CDH13: variants seen among roughly 807,000 people sequenced by gnomAD.
CDH13 encodes cadherin-13.
In CDH13, 24 loss-of-function variants were observed where a neutral mutation model predicts 63.8. The ratio of observed to expected loss-of-function variants is 0.38; its 90% CI spans 0.27 to 0.53. The LOEUF is 0.53. CDH13 is among the 20% of genes least tolerant of loss of function. The pLI is 0.85. For missense variants in CDH13, 1,049 were observed against 903.1 expected, an observed-to-expected ratio of 1.16 and a Z score of -2.07; for synonymous variants, 503 against 355.3, an observed-to-expected ratio of 1.42 and a Z score of -4.67.
intron 6 of CDH13, among the ~76,000 whole-genome samples, chr16:83,478,653 A>T (rs1036655520): frequency 6.6e-6 from 1 of 152,114 alleles, no homozygotes; most frequent in African/African-American, 2.4e-5. Flanking sequence ...CCTTAGGCCT[A>T]AGCCTGCTTC....
In CDH13 at chr16:83,781,291, C is replaced by G. The variant is rs549810773; in HGVS notation, c.1915+1090C>G. On this transcript the variant is annotated intron_variant, in intron 12 of 13. Coordinates refer to ENST00000567109, the MANE Select transcript of CDH13 (RefSeq NM_001257.5). ...TCTTCCCCAAATGTAAACTAACTAC[C>G]AAGTTCACCTTGTCTTCCAATAAAG... Among the ~76,000 whole-genome samples the G allele has an allele frequency of 3.9e-5, 6 of 152,232 alleles. 1 individual carries two copies. Among genetic ancestry groups the G allele is most frequent in the African/African-American group, 1.4e-4 (6 of 41,552 alleles).
chr16:83,237,686 G>C (rs1052053982), intron 5 of CDH13, among the ~76,000 whole-genome samples: 62 of 152,266 alleles, frequency 4.1e-4, no homozygotes, highest in African/African-American at 1.4e-3. Context: ...CACCAATTTT[G>C]CCTCTCCCTT....
intron 2 of CDH13, among the ~76,000 whole-genome samples, chr16:82,867,758 T>C (rs2151183077): frequency 6.6e-6 from 1 of 152,312 alleles, no homozygotes; most frequent in East Asian, 1.9e-4. Context: ...ACACTGTCAG[T>C]GAATTTAATG....
chr16:83,186,279 C>G (rs528483480), intron 4 of CDH13, among the ~76,000 whole-genome samples: 1 of 151,962 alleles, frequency 6.6e-6, no homozygotes, highest in African/African-American at 2.4e-5. Context: ...GCTGGGACTA[C>G]GGGCACATAC....
intron 2 of CDH13, among the ~76,000 whole-genome samples, chr16:82,949,432 C>A (rs937619973): frequency 1.3e-5 from 2 of 152,196 alleles, no homozygotes; most frequent in Non-Finnish European, 2.9e-5. Flanking sequence ...TGCACAGATT[C>A]TATTCCCAAA....
chr16:83,379,482 C>T (rs1225866993), intron 6 of CDH13, among the ~76,000 whole-genome samples: 1 of 152,138 alleles, frequency 6.6e-6, no homozygotes, highest in Non-Finnish European at 1.5e-5. Context: ...AAAAGGCAAC[C>T]ATACAGTGTT....
chr16:82,877,954 CACACACATAT>C (rs747722593), intron 2 of CDH13, among the ~76,000 whole-genome samples: 4,181 of 106,316 alleles, frequency 0.039, 121 homozygotes, highest in East Asian at 0.33. Context: ...CACACACACA[CACACACATAT>C]ACACACACAC....
chr16:82,751,472 A>C (rs115385081), intron 1 of CDH13, among the ~76,000 whole-genome samples: 1 of 152,092 alleles, frequency 6.6e-6, no homozygotes, highest in South Asian at 2.1e-4. Context: ...CACAAGGCAC[A>C]CACTGACCTC....
intron 1 of CDH13, among the ~76,000 whole-genome samples, chr16:82,806,737 A>G (rs760330232): frequency 7.2e-4 from 110 of 152,152 alleles, no homozygotes; most frequent in Non-Finnish European, 9.1e-4. Context: ...ACATGTTTGT[A>G]TTTGAACTCA....
rs1003098699 is a variant in CDH13, at chr16:82,836,873, A to G, written c.46-21489A>G. On this transcript the variant is annotated intron_variant, in intron 1 of 13. Coordinates refer to ENST00000567109, the MANE Select transcript of CDH13 (RefSeq NM_001257.5). ...AGTGTGACTTTCATTTTTAGGACAG[A>G]GTTATTCAGTCGGTGAATATGCAGT... 2.6e-5 allele frequency among the ~76,000 whole-genome samples: 4 copies of G among 152,194 alleles called. No homozygotes were observed. The South Asian group carries it at 6.2e-4, about 24-fold the overall frequency.
chr16:82,898,986 G>T (rs149780314), intron 2 of CDH13, among the ~76,000 whole-genome samples: 2,134 of 152,330 alleles, frequency 0.014, 33 homozygotes, highest in Middle Eastern at 0.027. Flanking sequence ...TGCAGCTGAG[G>T]TAATTCCCAA....
At position 83,434,847 on chromosome 16, in the gene CDH13, A is replaced by ATGTGTGTGTGTG. The variant is rs1267789287; in HGVS notation, c.782-51622_782-51621insTGTGTGTGTGTG. On this transcript the variant is annotated intron_variant, in intron 6 of 13. Transcript: ENST00000567109. ...CTGCACCTATTTAAAATATATATAT[A>ATGTGTGTGTGTG]TGTGTGTGCGTGTGTGTGTGTGTGT... 3.7e-3 allele frequency among the ~76,000 whole-genome samples: 303 copies of ATGTGTGTGTGTG among 81,478 alleles called. 1 individual carries two copies. The highest frequency in any genetic ancestry group is 6.2e-3 in the African/African-American group (164 of 26,532). 53.5% of individuals were successfully genotyped at this position (81,478 alleles called of 152,430 possible).
intron 2 of CDH13, among the ~76,000 whole-genome samples, chr16:82,981,813 C>G (rs1910300240): frequency 6.6e-6 from 1 of 152,184 alleles, no homozygotes; most frequent in Non-Finnish European, 1.5e-5. Context: ...TCCCGTAAGC[C>G]CTTCAACAGC....
intron 1 of CDH13, among the ~76,000 whole-genome samples, chr16:82,787,007 C>A (rs1597578818): frequency 6.6e-6 from 1 of 152,122 alleles, no homozygotes; most frequent in Non-Finnish European, 1.5e-5. Context: ...TCTGAGGATT[C>A]ACAATTTCCA....
chr16:83,211,974 C>G (rs145086323), intron 4 of CDH13, among the ~76,000 whole-genome samples: 1 of 152,184 alleles, frequency 6.6e-6, no homozygotes, highest in African/African-American at 2.4e-5. Context: ...GAAGTTCTCG[C>G]TAACTGTGAA....
intron 1 of CDH13, among the ~76,000 whole-genome samples, chr16:82,702,376 C>G (rs1004787046): frequency 5.3e-5 from 8 of 152,154 alleles, no homozygotes; most frequent in African/African-American, 1.9e-4. Flanking sequence ...TATGATCCCA[C>G]CTCCCCTGCT....
At chr16:82,993,576 T>A (rs573536842) in intron 2 of CDH13, among the ~76,000 whole-genome samples, 7 of 152,316 alleles carry the variant, frequency 4.6e-5, no homozygotes, top group African/African-American at 1.7e-4. Context: ...CTATAAGAAT[T>A]TATTTTGGAT....
In CDH13 at chr16:83,456,301, C is replaced by T. The variant is rs113582075; in HGVS notation, c.782-30176C>T. 3.7e-3 allele frequency among the ~76,000 whole-genome samples: 568 copies of T among 152,302 alleles called. 6 individuals are homozygous for T. Among genetic ancestry groups the T allele is most frequent in the Admixed American group, 7.7e-3 (118 of 15,302 alleles). ...ACTAAATCGAATGGACCAGGGCCAA[C>T]GACCTAGAGACAGGAAAGGGACTGG... On this transcript the variant is annotated intron_variant, in intron 6 of 13. Transcript: ENST00000567109.
At chr16:82,746,211 ACT>A (rs2034160757) in intron 1 of CDH13, among the ~76,000 whole-genome samples, 1 of 95,588 alleles carries the variant, frequency 1.0e-5, no homozygotes, top group African/African-American at 3.0e-5. Context: ...ATATAAACAC[ACT>A]GTTTATATAT....
Sources: gnomAD v4.1 joint callset for allele counts (sites outside exome capture counted in the v4.1 genomes callset) on GRCh38, gnomAD v4.1.1 for gene constraint, MANE v1.5 for transcripts, NCBI Gene and HGNC (gene_info 2026-07-23, HGNC 2026-07-21) for gene names.